Variants in SNRPN observed in about 807,000 individuals in gnomAD.
SNRPN encodes the protein small nuclear ribonucleoprotein polypeptide N, also known as small nuclear ribonucleoprotein-associated protein N.
In SNRPN, 7 loss-of-function variants were observed where a neutral mutation model predicts 25.2. The ratio of observed to expected loss-of-function variants is 0.28; its 90% CI spans 0.16 to 0.52. The LOEUF (loss-of-function observed/expected upper bound fraction) is 0.52. Ranked by LOEUF, SNRPN falls within the 20% of genes least tolerant of loss-of-function variation. SNRPN has a pLI of 0.96. For synonymous variants in SNRPN, 124 were observed against 110.6 expected (o/e 1.12, Z -0.76); for missense variants, 196 against 322.5 (o/e 0.61, Z 3.00).
intron 1 of SNRPN, among the ~76,000 whole-genome samples, chr15:24,828,982 A>G (rs1219665914): frequency 6.6e-6 from 1 of 152,066 alleles, no homozygotes; most frequent in Non-Finnish European, 1.5e-5. Flanking sequence ...GAGAAAGGGA[A>G]AAAAAGAAAC....
At chr15:24,866,179 T>G (rs1027963870) in intron 1 of SNRPN, among the ~76,000 whole-genome samples, 1 of 152,188 alleles carries the variant, frequency 6.6e-6, no homozygotes, top group Non-Finnish European at 1.5e-5. Flanking sequence ...CTACTCCTGC[T>G]TTTTCTATTT....
intron 4 of SNRPN, 129 bp downstream of exon 4, chr15:24,974,585 C>G (rs529298857): frequency 3.6e-5 from 32 of 881,526 alleles, no homozygotes; most frequent in Admixed American, 3.0e-4. Context: ...TATGGATTCT[C>G]ATTGCATTGA....
At chr15:24,950,088 T>C (rs1467577050), upstream of SNRPN, among the ~76,000 whole-genome samples, 1 of 152,174 alleles carries the variant, frequency 6.6e-6, no homozygotes, top group African/African-American at 2.4e-5. Context: ...TCCAAAAGTG[T>C]TGGGACTGCA....
intron 2 of SNRPN, among the ~76,000 whole-genome samples, chr15:24,964,597 C>T (rs1297416055): frequency 6.6e-6 from 1 of 152,100 alleles, no homozygotes; most frequent in African/African-American, 2.4e-5. Context: ...TGCGCCCAGC[C>T]TCTCCCTTCA....
chr15:24,927,475 AATTTTTTTTTTTTTTTTTTTTTTTT>A (rs767813477), intron 3 of SNRPN, among the ~76,000 whole-genome samples: 13,062 of 113,482 alleles, frequency 0.12, 1,179 homozygotes, highest in South Asian at 0.16. Flanking sequence ...AAAGTTTTTA[AATTTTTTTTTTTTTTTTTTTTTTTT>A]TTTTTTTTTT....
intron 1 of SNRPN, among the ~76,000 whole-genome samples, chr15:24,874,616 A>G (rs896195274): frequency 3.3e-5 from 5 of 152,238 alleles, no homozygotes; most frequent in Non-Finnish European, 7.3e-5. Flanking sequence ...ATCTAGTCAT[A>G]ATATGGCTGT....
intron 1 of SNRPN, among the ~76,000 whole-genome samples, chr15:24,883,072 TG>T (rs2056880667): frequency 6.6e-6 from 1 of 152,148 alleles, no homozygotes; most frequent in Non-Finnish European, 1.5e-5. Context: ...CAGTTTCTAC[TG>T]AATGCTTATC....
upstream of SNRPN, among the ~76,000 whole-genome samples, chr15:24,954,324 G>A (rs746289040): frequency 2.3e-4 from 35 of 152,038 alleles, no homozygotes; most frequent in Admixed American, 2.0e-3. Context: ...TCTTAGGTGG[G>A]GGTCTAAGTT....
At chr15:24,912,713 T>C (rs940129456) in intron 2 of SNRPN, among the ~76,000 whole-genome samples, 28 of 152,180 alleles carry the variant, frequency 1.8e-4, no homozygotes, top group African/African-American at 6.5e-4. Flanking sequence ...AACATCTCTA[T>C]AAAAGTGTAT....
chr15:24,896,597 C>A (rs1249701510), intron 2 of SNRPN, among the ~76,000 whole-genome samples: 1 of 152,016 alleles, frequency 6.6e-6, no homozygotes, highest in Non-Finnish European at 1.5e-5. Context: ...GCCTGTAGTT[C>A]CAGCTACTCG....
intron 6 of SNRPN, 80 bp downstream of exon 6, chr15:24,976,496 G>A: frequency 1.0e-6 from 1 of 967,054 alleles, no homozygotes; most frequent in South Asian, 1.4e-5. Flanking sequence ...TCAGGGTAGA[G>A]CAGACACAGT....
intron 2 of SNRPN, among the ~76,000 whole-genome samples, chr15:24,915,778 T>C (rs2152345728): frequency 6.6e-6 from 1 of 152,308 alleles, no homozygotes; most frequent in South Asian, 2.1e-4. Context: ...AAAATCTATG[T>C]AATTATAGAA....
intron 3 of SNRPN, among the ~76,000 whole-genome samples, chr15:24,922,889 C>CTTTT (rs1566915791): frequency 1.2e-4 from 4 of 34,564 alleles, no homozygotes; most frequent in Non-Finnish European, 1.5e-4. Flanking sequence ...GTAGGCAGAT[C>CTTTT]CTTTTTTTTT....
Position 24,848,231 on chromosome 15 carries a change from T to TGGGGGCGGGGGCGGCGGC in SNRPN, c.-579+18341_-579+18358dup, listed in dbSNP as rs1260840779. On this transcript the variant is annotated intron_variant, in intron 2 of 12. Coordinates refer to the SNRPN transcript ENST00000400100. ...CGGAGCTGGGGGGCGGGGGCGGCGG[T>TGGGGGCGGGGGCGGCGGC]GGGGGCGGGGGCGGCGGCGGGGGCG... 136 of 95,470 alleles carry TGGGGGCGGGGGCGGCGGC rather than the reference T, an allele frequency of 1.4e-3. 1 individual carries two copies. In the Middle Eastern group the frequency reaches 0.016, roughly 12 times the overall value. 5.9% of individuals were successfully genotyped at this position (95,470 alleles called of 1,614,324 possible). A position where few individuals can be genotyped will look rare whatever the true frequency, so the allele number is the denominator to read the frequency against.
Position 24,882,837 on chromosome 15 carries a change from T to A in SNRPN, c.-578-3679T>A, listed in dbSNP as rs7496149. On this transcript the variant is annotated intron_variant, in intron 1 of 11. Transcript: ENST00000400097. ...AGACTCCATCTCAAAAAAAAAAATA[T>A]ATATATATATAGTGAGTTGAAATGC... 1.2e-3 allele frequency among the ~76,000 whole-genome samples: 149 copies of A among 126,480 alleles called. 15 individuals are homozygous for A. In the South Asian group the frequency reaches 0.03, roughly 26 times the overall value. 83.0% of individuals were successfully genotyped at this position (126,480 alleles called of 152,430 possible).
chr15:24,831,651 A>G (rs1384503809), intron 2 of SNRPN, among the ~76,000 whole-genome samples: 3 of 151,970 alleles, frequency 2.0e-5, no homozygotes, highest in Non-Finnish European at 4.4e-5. Context: ...CTTAGGCCCT[A>G]GTACTCACCA....
intron 1 of SNRPN, among the ~76,000 whole-genome samples, chr15:24,874,092 C>T (rs951519984): frequency 1.3e-5 from 2 of 151,098 alleles, no homozygotes; most frequent in Admixed American, 6.6e-5. Context: ...TGGCAGATCA[C>T]GAGGTCAGGA....
chr15:24,867,303 C>A (rs1046281229), intron 1 of SNRPN, among the ~76,000 whole-genome samples: 1 of 151,968 alleles, frequency 6.6e-6, no homozygotes, highest in Non-Finnish European at 1.5e-5. Context: ...TTAATAATAG[C>A]CTTGTAACAG....
chr15:24,956,684 G>T (rs1028898402), intron 1 of SNRPN, among the ~76,000 whole-genome samples: 3 of 152,330 alleles, frequency 2.0e-5, no homozygotes, highest in African/African-American at 7.2e-5. Context: ...GTTCCTTTCC[G>T]GTTGTGGCGC....
Sources: allele counts gnomAD v4.1 joint callset (sites outside exome capture counted in the v4.1 genomes callset), GRCh38; gene constraint gnomAD v4.1.1; transcripts MANE v1.5; gene names NCBI Gene and HGNC (gene_info 2026-07-23, HGNC 2026-07-21).